Variants in CAMK1D observed in about 807,000 individuals in gnomAD.
The protein encoded by CAMK1D is calcium/calmodulin-dependent protein kinase type 1D.
Under a neutral mutation model 47.7 loss-of-function variants are expected in CAMK1D, and 9 were observed. The ratio of observed to expected loss-of-function variants is 0.19; its 90% confidence interval spans 0.11 to 0.33. The LOEUF is 0.33. Among genes scored for constraint, CAMK1D ranks in the 10% least tolerant of loss-of-function variants. The pLI is 1.00. For missense variants in CAMK1D, 291 were observed against 488.7 expected (o/e 0.60, Z 3.81); for synonymous variants, 184 against 184.9 (o/e 0.99, Z 0.04).
At chr10:12,452,690 A>G (rs1389614063) in intron 1 of CAMK1D, among the ~76,000 whole-genome samples, 3 of 151,940 alleles carry the variant, frequency 2.0e-5, no homozygotes, top group Admixed American at 1.3e-4. Flanking sequence ...GGTTCAAACA[A>G]TTCTCCTGCC....
chr10:12,653,259 T>A (rs1211595490), intron 2 of CAMK1D: 1 of 153,788 alleles, frequency 6.5e-6, no homozygotes, highest in Non-Finnish European at 1.5e-5. Flanking sequence ...CCCTTGTGAT[T>A]CAGTCACCTC....
At chr10:12,360,789 C>T (rs1837635672) in intron 1 of CAMK1D, among the ~76,000 whole-genome samples, 1 of 152,158 alleles carries the variant, frequency 6.6e-6, no homozygotes, top group Non-Finnish European at 1.5e-5. Context: ...CCTACATCAA[C>T]TATTGCCAAA....
At chr10:12,386,961 G>T in intron 1 of CAMK1D, among the ~76,000 whole-genome samples, 1 of 152,088 alleles carries the variant, frequency 6.6e-6, no homozygotes, top group East Asian at 1.9e-4. Flanking sequence ...CAGCACTTTG[G>T]GAAGCTGAGG....
chr10:12,575,752 C>T (rs1436357445), intron 2 of CAMK1D, among the ~76,000 whole-genome samples: 1 of 152,214 alleles, frequency 6.6e-6, no homozygotes, highest in Non-Finnish European at 1.5e-5. Flanking sequence ...AGAATTCGCG[C>T]TCCTCTGCCT....
chr10:12,616,345 T>C (rs1838815553), intron 2 of CAMK1D, among the ~76,000 whole-genome samples: 3 of 152,208 alleles, frequency 2.0e-5, no homozygotes, highest in Admixed American at 1.3e-4. Flanking sequence ...TAGGAGTAGC[T>C]AACATTTATC....
chr10:12,693,104 C>T (rs1455225469), intron 3 of CAMK1D, among the ~76,000 whole-genome samples: 1 of 152,106 alleles, frequency 6.6e-6, no homozygotes, highest in Non-Finnish European at 1.5e-5. Flanking sequence ...TGGCTCACAC[C>T]TGTAATCCCA....
intron 1 of CAMK1D, among the ~76,000 whole-genome samples, chr10:12,422,209 G>A (rs1364877628): frequency 6.6e-6 from 1 of 152,136 alleles, no homozygotes; most frequent in East Asian, 1.9e-4. Flanking sequence ...GCTATTTGGT[G>A]GTTATACGGT....
At chr10:12,376,548 G>T (rs112651222) in intron 1 of CAMK1D, among the ~76,000 whole-genome samples, 2 of 152,212 alleles carry the variant, frequency 1.3e-5, no homozygotes, top group African/African-American at 4.8e-5. Flanking sequence ...AAGGGTCTTT[G>T]TTAGTTTATT....
chr10:12,603,754 A>G (rs1838373217), intron 2 of CAMK1D, among the ~76,000 whole-genome samples: 1 of 152,164 alleles, frequency 6.6e-6, no homozygotes, highest in East Asian at 1.9e-4. Flanking sequence ...CTTCTCCAGG[A>G]TAAGGAACAA....
intron 4 of CAMK1D, among the ~76,000 whole-genome samples, chr10:12,769,408 C>T (rs1288723055): frequency 6.6e-6 from 1 of 152,146 alleles, no homozygotes; most frequent in African/African-American, 2.4e-5. Context: ...TAGATTGCCT[C>T]AGAATATGGT....
At chr10:12,716,633 C>T (rs1834147163) in intron 3 of CAMK1D, among the ~76,000 whole-genome samples, 3 of 152,182 alleles carry the variant, frequency 2.0e-5, no homozygotes, top group African/African-American at 7.2e-5. Context: ...GCCCCATTTC[C>T]ATCCCCCGAG....
chr10:12,417,052 C>T (rs1287368218), intron 1 of CAMK1D, among the ~76,000 whole-genome samples: 4 of 152,162 alleles, frequency 2.6e-5, no homozygotes, highest in South Asian at 2.1e-4. Context: ...CTCAAGCCCC[C>T]GAAGCCTCTC....
At position 12,833,446 on chromosome 10, in the gene CAMK1D, T is replaced by A. The variant is rs1432493986; in HGVS notation, c.*4559T>A. Reference sequence around the variant, plus strand: ...TTTTAAACAGAAAGGAAAGATGATATCCCAGTGCAGGTAGACTTTATTTTT... The same window carrying A: ...TTTTAAACAGAAAGGAAAGATGATAACCCAGTGCAGGTAGACTTTATTTTT... On this transcript the variant is annotated 3_prime_UTR_variant, in exon 11 of 11. Transcript: ENST00000619168. 1 of 152,270 alleles carries A rather than the reference T, an allele frequency of 6.6e-6. No homozygotes were observed. The highest frequency in any genetic ancestry group is 2.4e-5 in the African/African-American group (1 of 41,472). 9.4% of individuals were successfully genotyped at this position (152,270 alleles called of 1,614,324 possible). A position where few individuals can be genotyped will look rare whatever the true frequency, so the allele number is the denominator to read the frequency against.
rs150470436 is a variant in CAMK1D at position 12,775,003 on chromosome 10, A to AC, written c.565+5204_565+5205insC. Among the ~76,000 whole-genome samples, 436 of 151,608 alleles carry AC rather than the reference A, an allele frequency of 2.9e-3. 6 individuals are homozygous for AC. Among genetic ancestry groups the AC allele is most frequent in the African/African-American group, 9.8e-3 (403 of 40,914 alleles). On this transcript the variant is annotated intron_variant, in intron 5 of 10. Transcript: ENST00000619168. Reference sequence around the variant, plus strand: ...GGTGGGGGTAGGGTGGAGGAAGGAGATGTGAGAAGGCTCAGGCATTGATCA... The same window carrying AC: ...GGTGGGGGTAGGGTGGAGGAAGGAGACTGTGAGAAGGCTCAGGCATTGATCA...
intron 1 of CAMK1D, among the ~76,000 whole-genome samples, chr10:12,396,481 C>T (rs1043584465): frequency 9.8e-5 from 15 of 152,298 alleles, no homozygotes; most frequent in African/African-American, 3.6e-4. Flanking sequence ...CTGGCTTAAC[C>T]CCCTTTTTGC....
intron 1 of CAMK1D, among the ~76,000 whole-genome samples, chr10:12,547,975 C>A (rs530625750): frequency 6.6e-6 from 1 of 152,182 alleles, no homozygotes; most frequent in Non-Finnish European, 1.5e-5. Flanking sequence ...GCTCATCTGA[C>A]GACAGGGTCT....
In CAMK1D at chr10:12,747,502, G is replaced by A. The variant is rs184767701; in HGVS notation, c.300-13446G>A. On this transcript the variant is annotated intron_variant, in intron 3 of 10. Transcript: ENST00000619168. ...TTTTATTTTTTGAAGAGACAGGAGC[G>A]GAGGGGAGCAGGGGCTGGTCGTGCT... Among the ~76,000 whole-genome samples, 17 of 152,128 alleles carry A rather than the reference G, an allele frequency of 1.1e-4. No homozygotes were observed. The East Asian group carries it at 2.5e-3, about 23-fold the overall frequency.
rs58291909 is a variant in CAMK1D at position 12,631,688 on chromosome 10, CT to C, written c.225-35034del. On this transcript the variant is annotated intron_variant, in intron 2 of 10. Transcript: ENST00000619168. The stretch of plus-strand genomic sequence containing the variant: ...GAGATCACTTGTTCCCACGTTAATC[CT>C]TTTTTTTTTTTTTGGTGACATCAAA... Among the ~76,000 whole-genome samples the C allele has an allele frequency of 4.7e-3, 671 of 143,970 alleles. 2 individuals carry two copies. The highest frequency in any genetic ancestry group is 9.1e-3 in the African/African-American group (356 of 39,118). The allele number at this position is 143,970 out of a possible 152,430, so 94.4% of individuals were successfully genotyped here.
intron 3 of CAMK1D, among the ~76,000 whole-genome samples, chr10:12,738,639 T>A (rs1240180586): frequency 1.3e-5 from 2 of 151,678 alleles, no homozygotes; most frequent in Admixed American, 1.3e-4. Flanking sequence ...GAGACCATCC[T>A]GGCCAACACA....
Sources: allele counts gnomAD v4.1 joint callset (sites outside exome capture counted in the v4.1 genomes callset), GRCh38; gene constraint gnomAD v4.1.1; transcripts MANE v1.5; gene names NCBI Gene and HGNC (gene_info 2026-07-23, HGNC 2026-07-21).